The following WNK2 variants were observed in gnomAD, a reference collection of about 807,000 sequenced individuals.
WNK2 encodes the protein serine/threonine-protein kinase WNK2.
In WNK2, 67 loss-of-function variants were observed where a neutral mutation model predicts 192.1. The observed-to-expected ratio is 0.35, with a 90% CI of 0.29 to 0.43. WNK2 has a LOEUF of 0.43. Ranked by LOEUF, WNK2 falls within the 20% of genes least tolerant of loss-of-function variation. The pLI is 1.00. For synonymous variants in WNK2, 1,439 were observed against 1,393.9 expected, an observed-to-expected ratio of 1.03 and a Z score of -0.72; for missense variants, 2,698 against 3,089.7, an observed-to-expected ratio of 0.87 and a Z score of 3.01.
At position 93,270,672 on chromosome 9, in the gene WNK2, A is replaced by G. The variant is rs979826927; in HGVS notation, c.4033+1926A>G. Among the ~76,000 whole-genome samples the G allele has an allele frequency of 4.6e-5, 7 of 152,202 alleles. 1 individual carries two copies. The highest frequency in any genetic ancestry group is 8.8e-5 in the Non-Finnish European group (6 of 68,018). ...ATCCTGTAGTTCCATCTCCCAGACC[A>G]GGAAAGGCAACTCCTAAAGCTCAGA... On this transcript the variant is annotated intron_variant, in intron 19 of 29. Coordinates refer to ENST00000427277, the MANE Select transcript of WNK2 (RefSeq NM_006648.4).
chr9:93,318,130 G>A lies in WNK2; in HGVS notation c.6628+499G>A. 6.5e-6 allele frequency: 10 copies of A among 1,534,130 alleles called. No individual in the cohort carries two copies. The South Asian group carries it at 1.2e-4, about 19-fold the overall frequency. ...CAGAAGTACAGTGCCTTGAATGCCA[G>A]CTTTTCCGTTCCCTGATGAAAAGAT... On this transcript the variant is annotated intron_variant, in intron 29 of 29. Coordinates refer to ENST00000427277, the MANE Select transcript of WNK2 (RefSeq NM_006648.4).
chr9:93,293,161 GTC>G lies in WNK2; in HGVS notation c.5698_5699del (p.Leu1900AlafsTer79). On this transcript the variant is annotated frameshift_variant, in exon 23 of 30. Coordinates refer to ENST00000427277, the MANE Select transcript of WNK2 (RefSeq NM_006648.4). LOFTEE classifies it high-confidence loss of function. ...GCTGACATAAAGAAGGAGCTGCAGA[GTC>G]TGCGGGAGAAGTAGGTCCTGCGGGC... 1 of 1,516,914 alleles carries G rather than the reference GTC, an allele frequency of 6.6e-7. No individual in the cohort carries two copies. Among genetic ancestry groups the G allele is most frequent in the Non-Finnish European group, 8.8e-7 (1 of 1,135,574 alleles). The allele number at this position is 1,516,914 out of a possible 1,614,324, so 94.0% of individuals were successfully genotyped here.
At chr9:93,248,502 C>G (rs1455223998) in intron 8 of WNK2, among the ~76,000 whole-genome samples, 1 of 152,208 alleles carries the variant, frequency 6.6e-6, no homozygotes, top group Non-Finnish European at 1.5e-5. Context: ...ATGTGAAGGC[C>G]AGGTGAGGTG....
rs1834041623 is a variant in WNK2 at position 93,209,254 on chromosome 9, C to T, written c.682-20442C>T. The stretch of plus-strand genomic sequence containing the variant: ...CATGGCGATCTCCTGGGGCTGTACG[C>T]CACAGGACAGGCCTGTGGCACCTCA... On this transcript the variant is annotated intron_variant, in intron 2 of 29. Transcript: ENST00000427277. Among the ~76,000 whole-genome samples, 2 of 152,300 alleles carry T rather than the reference C, an allele frequency of 1.3e-5. 1 individual carries two copies. Among genetic ancestry groups the T allele is most frequent in the Non-Finnish European group, 2.9e-5 (2 of 68,004 alleles).
At chr9:93,208,116 T>C (rs1258744242) in intron 2 of WNK2, among the ~76,000 whole-genome samples, 1 of 152,138 alleles carries the variant, frequency 6.6e-6, no homozygotes, top group Non-Finnish European at 1.5e-5. Context: ...CACAAACATC[T>C]CAGTTTTGGT....
chr9:93,206,005 T>C (rs1045316366), intron 2 of WNK2, among the ~76,000 whole-genome samples: 19 of 152,158 alleles, frequency 1.2e-4, no homozygotes, highest in East Asian at 1.9e-4. Flanking sequence ...TGTTGAGTGC[T>C]GGCTGTAGCC....
chr9:93,195,236 T>C (rs1831031314), intron 2 of WNK2, among the ~76,000 whole-genome samples: 1 of 152,188 alleles, frequency 6.6e-6, no homozygotes, highest in Non-Finnish European at 1.5e-5. Flanking sequence ...GGTTCATCAG[T>C]TATAACAAGT....
chr9:93,204,432 G>A (rs1052909092), intron 2 of WNK2, among the ~76,000 whole-genome samples: 1 of 152,222 alleles, frequency 6.6e-6, no homozygotes, highest in Non-Finnish European at 1.5e-5. Context: ...TGGAATGGGG[G>A]CCAGAAAGGC....
chr9:93,184,674 C>T (rs914559514), intron 1 of WNK2, among the ~76,000 whole-genome samples: 1 of 152,118 alleles, frequency 6.6e-6, no homozygotes, highest in South Asian at 2.1e-4. Flanking sequence ...TCCCAGGGTT[C>T]CAGGGACACC....
At chr9:93,235,454 G>A (rs972252401) in intron 5 of WNK2, among the ~76,000 whole-genome samples, 9 of 152,244 alleles carry the variant, frequency 5.9e-5, no homozygotes, top group Non-Finnish European at 1.0e-4. Context: ...CTAGGCAGTC[G>A]TCAGCGCCAG....
At chr9:93,213,829 C>T (rs1835223060) in intron 2 of WNK2, among the ~76,000 whole-genome samples, 1 of 152,122 alleles carries the variant, frequency 6.6e-6, no homozygotes, top group East Asian at 1.9e-4. Context: ...AGTGGTTATG[C>T]TGGAGATTAC....
intron 2 of WNK2, among the ~76,000 whole-genome samples, chr9:93,228,261 T>C (rs1271112449): frequency 6.6e-6 from 1 of 151,718 alleles, no homozygotes; most frequent in Non-Finnish European, 1.5e-5. Context: ...GCGGCTGCAT[T>C]TGGGATGTAA....
At chr9:93,198,057 C>G (rs961696965) in intron 2 of WNK2, among the ~76,000 whole-genome samples, 3 of 152,148 alleles carry the variant, frequency 2.0e-5, no homozygotes, top group African/African-American at 4.8e-5. Context: ...TCCCAGTTTA[C>G]TAAGGAGGAA....
At chr9:93,211,455 CCCACTCATTCACTCCCAT>C (rs1834686128) in intron 2 of WNK2, among the ~76,000 whole-genome samples, 1 of 150,176 alleles carries the variant, frequency 6.7e-6, no homozygotes, top group East Asian at 2.0e-4. Context: ...CACTCACCCA[CCCACTCATTCACTCCCAT>C]CCACTCACTC....
chr9:93,258,823 A>G, intron 11 of WNK2, 108 bp from the exon 12 acceptor site: 1 of 966,460 alleles, frequency 1.0e-6, no homozygotes, highest in Non-Finnish European at 1.6e-6. Flanking sequence ...TGCTGTCTTC[A>G]TCCCGTGTCC....
chr9:93,289,542 G>C lies in WNK2; in HGVS notation c.4788G>C (p.Glu1596Asp), dbSNP rs1180196563. 6.4e-6 allele frequency: 10 copies of C among 1,574,182 alleles called. No individual in the cohort carries two copies. The highest frequency in any genetic ancestry group is 8.6e-6 in the Non-Finnish European group (10 of 1,156,658). The change falls in exon 20 of 30, where the codon GAG (glutamate) becomes GAC (aspartate). Residue 1596 changes from glutamate to aspartate, a missense_variant. By Grantham distance (45) the Glu-to-Asp change is conservative. Transcript: ENST00000427277. ...EPLRGDQPRSEVCGGDLALPP... is the reference protein window; with the variant it reads ...EPLRGDQPRSDVCGGDLALPP... ...TGAGAGGGGACCAGCCCCGCTCAGAGGTCTGCGGGGGGGACCTGGCCCTGC... is the reference window on the plus strand; with the variant it reads ...TGAGAGGGGACCAGCCCCGCTCAGACGTCTGCGGGGGGGACCTGGCCCTGC...
chr9:93,294,295 T>C (rs1849886538), intron 23 of WNK2, among the ~76,000 whole-genome samples: 1 of 152,102 alleles, frequency 6.6e-6, no homozygotes. Context: ...CGTGGAGAAC[T>C]GAGGAGGGAA....
In WNK2 at chr9:93,239,742, C is replaced by T; in HGVS notation, c.1323-15C>T. 3 of 1,542,392 alleles carry T rather than the reference C, an allele frequency of 1.9e-6. No individual in the cohort carries two copies. Among genetic ancestry groups the T allele is most frequent in the South Asian group, 1.2e-5 (1 of 83,900 alleles). ...TGGCGCCCGTGCCCCTGCCTGTCAG[C>T]TGCTCTCCCTCCAGGTACGAGATCA... On this transcript the variant is annotated splice_polypyrimidine_tract_variant and intron_variant, in intron 6 of 29. Transcript: ENST00000427277. This position sits in a 1 kb window ranked among gnomAD's most constrained non-coding sequence, Gnocchi z 4.2.
At chr9:93,263,333 G>C in intron 14 of WNK2, 1 of 587,060 alleles carries the variant, frequency 1.7e-6, no homozygotes, top group South Asian at 2.0e-5. Context: ...AGGTAACGCA[G>C]CTAGTAGCTA....
Sources: gnomAD v4.1 joint callset for allele counts (sites outside exome capture counted in the v4.1 genomes callset) on GRCh38, gnomAD v4.1.1 for gene constraint, Gnocchi (gnomAD v3.1) non-coding constraint, MANE v1.5 for transcripts, NCBI Gene and HGNC (gene_info 2026-07-23, HGNC 2026-07-21) for gene names.